GPAM: variants seen among roughly 807,000 people sequenced by gnomAD.
The protein encoded by GPAM is glycerol-3-phosphate acyltransferase 1, mitochondrial.
Under a neutral mutation model 105.0 loss-of-function variants are expected in GPAM, and 56 were observed. That is an observed-to-expected ratio of 0.53 (90% CI 0.43 to 0.67). GPAM has a LOEUF of 0.67. Ranked by LOEUF, GPAM falls within the 30% of genes least tolerant of loss-of-function variation. The pLI, the probability that GPAM is intolerant of heterozygous loss-of-function variation, is 0.00. For synonymous variants in GPAM, 368 were observed against 354.4 expected, an observed-to-expected ratio of 1.04 and a Z score of -0.43; for missense variants, 855 against 989.8, an observed-to-expected ratio of 0.86 and a Z score of 1.83.
chr10:112,180,620 T>C (rs765536188), intron 3 of GPAM, 25 bp from the exon 4 acceptor site: 3 of 1,597,212 alleles, frequency 1.9e-6, no homozygotes, highest in Non-Finnish European at 2.6e-6. Flanking sequence ...GAAAAAAATA[T>C]AGTTTCTAAA....
chr10:112,151,071 T>C lies in GPAM; in HGVS notation c.*2479A>G. The C allele has an allele frequency of 3.0e-6, 3 of 985,070 alleles. No individual in the cohort carries two copies. Among genetic ancestry groups the C allele is most frequent in the Non-Finnish European group, 3.6e-6 (3 of 829,274 alleles). 61.0% of individuals were successfully genotyped at this position (985,070 alleles called of 1,614,324 possible). ...CTCTTCTGAATCACTTAGGACATTCTCATTTTCAAAAACAGACTGCAGTTT... is the reference window on the plus strand; with the variant it reads ...CTCTTCTGAATCACTTAGGACATTCCCATTTTCAAAAACAGACTGCAGTTT... On this transcript the variant is annotated 3_prime_UTR_variant, in exon 22 of 22. Coordinates refer to ENST00000348367, the MANE Select transcript of GPAM (RefSeq NM_001244949.2).
upstream of GPAM, among the ~76,000 whole-genome samples, chr10:112,187,752 A>G (rs4918723): frequency 0.11 from 16,757 of 152,206 alleles, 1,058 homozygotes; most frequent in South Asian, 0.2. Context: ...TAACAGGAAA[A>G]TAAACATTCA....
upstream of GPAM, among the ~76,000 whole-genome samples, chr10:112,186,663 C>T (rs1284806243): frequency 6.6e-6 from 1 of 152,042 alleles, no homozygotes; most frequent in Non-Finnish European, 1.5e-5. Context: ...TTTCATGCCT[C>T]AGCCTCCCGA....
At chr10:112,217,146 A>G (rs981146343), upstream of GPAM, among the ~76,000 whole-genome samples, 5 of 152,100 alleles carry the variant, frequency 3.3e-5, no homozygotes, top group Admixed American at 1.3e-4. Flanking sequence ...CTTCCCATTA[A>G]CGATCACCCG....
Position 112,152,803 on chromosome 10 carries a change from G to T in GPAM, c.*747C>A. 2 of 544,754 alleles carry T rather than the reference G, an allele frequency of 3.7e-6. No individual in the cohort carries two copies. Among genetic ancestry groups the T allele is most frequent in the Non-Finnish European group, 4.7e-6 (2 of 427,458 alleles). 33.7% of individuals were successfully genotyped at this position (544,754 alleles called of 1,614,324 possible). The stretch of plus-strand genomic sequence containing the variant: ...ATGGCACTTGTTTATATGAGCAAAA[G>T]CCTTCAACACCAGTTTTCTGGCCAA... On this transcript the variant is annotated 3_prime_UTR_variant, in exon 22 of 22. Coordinates refer to ENST00000348367, the MANE Select transcript of GPAM (RefSeq NM_001244949.2).
Position 112,160,629 on chromosome 10 carries a change from A to G in GPAM, c.1734T>C (p.His578=). 7 of 1,613,546 alleles carry G rather than the reference A, an allele frequency of 4.3e-6. No homozygotes were observed. The highest frequency in any genetic ancestry group is 5.9e-6 in the Non-Finnish European group (7 of 1,179,470). ...ELNFYSNGVL[H]VFIMEAIIAC... ...CTATGATGGCCTCCATGATAAAGACATGAAGTACCCCATTGCTGTAGAAGT... is the reference window on the plus strand; with the variant it reads ...CTATGATGGCCTCCATGATAAAGACGTGAAGTACCCCATTGCTGTAGAAGT... The change falls in exon 16 of 22, where the codon CAT becomes CAC. Residue 578 remains histidine, a synonymous_variant. Coordinates refer to ENST00000348367, the MANE Select transcript of GPAM (RefSeq NM_001244949.2).
At chr10:112,182,293 C>T (rs774875941) in intron 2 of GPAM, among the ~76,000 whole-genome samples, 5 of 152,104 alleles carry the variant, frequency 3.3e-5, no homozygotes, top group Non-Finnish European at 5.9e-5. Flanking sequence ...GCAATTAGGG[C>T]ACCCCTTAAG....
intron 11 of GPAM, among the ~76,000 whole-genome samples, chr10:112,167,679 T>C (rs1346421138): frequency 6.6e-6 from 1 of 152,118 alleles, no homozygotes; most frequent in Non-Finnish European, 1.5e-5. Context: ...CTGTAAGAAA[T>C]GAAATTAATC....
At position 112,171,523 on chromosome 10, in the gene GPAM, G is replaced by C. The variant is rs554980312; in HGVS notation, c.794+659C>G. The stretch of plus-strand genomic sequence containing the variant: ...TTGGCTTAGAAATTGTTTTGATCCA[G>C]CTTTCACTACCTACACAGCTACCAC... On this transcript the variant is annotated intron_variant, in intron 9 of 21. Coordinates refer to ENST00000348367, the MANE Select transcript of GPAM (RefSeq NM_001244949.2). 4.6e-5 allele frequency among the ~76,000 whole-genome samples: 7 copies of C among 152,150 alleles called. No individual in the cohort carries two copies. In the South Asian group the frequency reaches 1.0e-3, roughly 23 times the overall value.
Position 112,172,210 on chromosome 10 carries a change from C to T in GPAM, c.766G>A (p.Gly256Ser). 1 of 1,608,906 alleles carries T rather than the reference C, an allele frequency of 6.2e-7. No individual in the cohort carries two copies. ...HNIKAPYIAS[G>S]NNLNIPIFST... ...AAGATTGGGATGTTGAGATTATTGC[C>T]TGAAGCAATGTATGGTGCTTTGATG... Residue 256 changes from glycine to serine, a missense_variant, in exon 9 of 22, where the codon GGC (glycine) becomes AGC (serine). By Grantham distance (56) the Gly-to-Ser change is moderately conservative. Coordinates refer to ENST00000348367, the MANE Select transcript of GPAM (RefSeq NM_001244949.2).
At chr10:112,164,133 G>T (rs190780709) in intron 13 of GPAM, among the ~76,000 whole-genome samples, 1 of 152,010 alleles carries the variant, frequency 6.6e-6, no homozygotes. Context: ...TAAAGGAAAG[G>T]CTTCATATTC....
rs186260616 is a variant in GPAM, at chr10:112,151,583, G to T, written c.*1967C>A. On this transcript the variant is annotated 3_prime_UTR_variant, in exon 22 of 22. Transcript: ENST00000348367. ...CTTCTAGAAAACAAACCAACCAAAAGGGAAAATAATGCAAGAGAAGCCGTA... is the reference window on the plus strand; with the variant it reads ...CTTCTAGAAAACAAACCAACCAAAATGGAAAATAATGCAAGAGAAGCCGTA... The T allele has an allele frequency of 1.3e-3, 1,269 of 985,730 alleles. 11 individuals carry two copies. In the African/African-American group the frequency reaches 0.02, roughly 16 times the overall value. 61.1% of individuals were successfully genotyped at this position (985,730 alleles called of 1,614,324 possible).
chr10:112,171,084 A>G (rs1022831547), intron 9 of GPAM, among the ~76,000 whole-genome samples: 3 of 152,142 alleles, frequency 2.0e-5, no homozygotes, highest in Admixed American at 2.0e-4. Context: ...TGCTCCTTTT[A>G]TCCACTCTCT....
In GPAM at chr10:112,168,538, A is replaced by C; in HGVS notation, c.895-14T>G. The C allele has an allele frequency of 3.3e-6, 5 of 1,530,210 alleles. No homozygotes were observed. The highest frequency in any genetic ancestry group is 4.5e-6 in the Non-Finnish European group (5 of 1,103,396). 94.8% of individuals were successfully genotyped at this position (1,530,210 alleles called of 1,614,324 possible). A position where few individuals can be genotyped will look rare whatever the true frequency, so the allele number is the denominator to read the frequency against. On this transcript the variant is annotated splice_polypyrimidine_tract_variant and intron_variant, in intron 10 of 21. Coordinates refer to ENST00000348367, the MANE Select transcript of GPAM (RefSeq NM_001244949.2). ...TTCAACTATATGCTGGGATATAAGA[A>C]GAAAGTAAAACATACATTCAAGACC...
chr10:112,221,777 G>A, the GPAM span, among the ~76,000 whole-genome samples: 1 of 152,184 alleles, frequency 6.6e-6, no homozygotes, highest in Non-Finnish European at 1.5e-5. Context: ...GCCCTTCTGA[G>A]TCACAATTTC....
At chr10:112,184,779 A>G (rs1847572027), upstream of GPAM, among the ~76,000 whole-genome samples, 1 of 152,202 alleles carries the variant, frequency 6.6e-6, no homozygotes, top group Admixed American at 6.5e-5. Flanking sequence ...GGGAGGCCAA[A>G]GCAGCTGGAA....
chr10:112,150,764 C>T lies in GPAM; in HGVS notation c.*2786G>A, dbSNP rs1846901731. ...GTGCAAACTTGGTTTCCCAGCAACA[C>T]CATTTCTATAAAACACTGATGAACA... On this transcript the variant is annotated 3_prime_UTR_variant, in exon 22 of 22. Transcript: ENST00000348367. 1 of 985,318 alleles carries T rather than the reference C, an allele frequency of 1.0e-6. No homozygotes were observed. The highest frequency in any genetic ancestry group is 1.2e-6 in the Non-Finnish European group (1 of 829,856). The allele number at this position is 985,318 out of a possible 1,614,324, so 61.0% of individuals were successfully genotyped here. A position where few individuals can be genotyped will look rare whatever the true frequency, so the allele number is the denominator to read the frequency against.
At chr10:112,222,936 C>A in the GPAM span, among the ~76,000 whole-genome samples, 1 of 152,136 alleles carries the variant, frequency 6.6e-6, no homozygotes, top group South Asian at 2.1e-4. Context: ...GCCTGGTTGA[C>A]TGACAGCCTC....
chr10:112,150,955 T>C lies in GPAM; in HGVS notation c.*2595A>G. 1.0e-6 allele frequency: 1 copy of C among 984,898 alleles called. No individual in the cohort carries two copies. The highest frequency in any genetic ancestry group is 1.2e-6 in the Non-Finnish European group (1 of 829,140). The allele number at this position is 984,898 out of a possible 1,614,324, so 61.0% of individuals were successfully genotyped here. On this transcript the variant is annotated 3_prime_UTR_variant, in exon 22 of 22. Coordinates refer to ENST00000348367, the MANE Select transcript of GPAM (RefSeq NM_001244949.2). ...ATTTAACAGATTCCAGAAGGAAGAC[T>C]CGAAGCCATCTCAGTTAACAGTTCT...
Sources: allele counts gnomAD v4.1 joint callset (sites outside exome capture counted in the v4.1 genomes callset), GRCh38; gene constraint gnomAD v4.1.1; transcripts MANE v1.5; gene names NCBI Gene and HGNC (gene_info 2026-07-23, HGNC 2026-07-21).